Variants in ZFYVE27 observed in about 807,000 individuals in gnomAD.
ZFYVE27 encodes the protein protrudin.
In ZFYVE27, 36 loss-of-function variants were observed where a neutral mutation model predicts 52.8. The ratio of observed to expected loss-of-function variants is 0.68; its 90% confidence interval spans 0.52 to 0.90. The LOEUF is 0.90. ZFYVE27 is among the 40% of genes least tolerant of loss of function. The probability of loss-of-function intolerance (pLI) is 0.00; values close to 1 mark genes in which losing one functional copy is unlikely to be tolerated. For synonymous variants in ZFYVE27, 223 were observed against 215.6 expected (o/e 1.03, Z -0.30); for missense variants, 450 against 527.2 (o/e 0.85, Z 1.43).
At chr10:97,744,951 C>G in intron 4 of ZFYVE27, 36 bp downstream of exon 4, 1 of 1,542,738 alleles carries the variant, frequency 6.5e-7, no homozygotes, top group Non-Finnish European at 8.7e-7. Context: ...GGTGGGGGAA[C>G]AGTAACAGCA....
intron 1 of ZFYVE27, among the ~76,000 whole-genome samples, chr10:97,738,110 C>T (rs1293101972): frequency 6.6e-6 from 1 of 152,130 alleles, no homozygotes; most frequent in East Asian, 1.9e-4. Context: ...TCTCCCAGTC[C>T]AGAGTTGGGG....
intron 4 of ZFYVE27, among the ~76,000 whole-genome samples, chr10:97,747,535 T>C (rs1302837134): frequency 1.3e-5 from 2 of 152,208 alleles, no homozygotes. Context: ...CTTACTATTA[T>C]CAGTATGAAC....
chr10:97,749,290 C>G (rs993542397), intron 5 of ZFYVE27, among the ~76,000 whole-genome samples, 184 bp from the exon 6 acceptor site: 1 of 152,218 alleles, frequency 6.6e-6, no homozygotes, highest in Non-Finnish European at 1.5e-5. Flanking sequence ...GGTGTTTGCA[C>G]CGGTGACTTG....
chr10:97,756,191 G>A (rs973853371), intron 10 of ZFYVE27, among the ~76,000 whole-genome samples: 2 of 152,136 alleles, frequency 1.3e-5, no homozygotes, highest in Admixed American at 6.6e-5. Context: ...CCAAATTCTT[G>A]GTGTAGGGAC....
intron 3 of ZFYVE27, among the ~76,000 whole-genome samples, chr10:97,743,869 A>G (rs540333577): frequency 6.6e-6 from 1 of 152,328 alleles, no homozygotes; most frequent in East Asian, 1.9e-4. Context: ...GCGCTGGCAG[A>G]TGGCCACATA....
Position 97,749,544 on chromosome 10 carries a change from T to C in ZFYVE27, c.622T>C (p.Leu208=). Residue 208 remains leucine (L), a synonymous_variant, in exon 6 of 13, where the codon TTA becomes CTA. Coordinates refer to ENST00000684270, the MANE Select transcript of ZFYVE27 (RefSeq NM_001385875.1). The part of the protein sequence containing the change: ...LLPLCWVLTL[L]NSTLFLGNVE... ...GCCACTCTGCTGGGTTCTCACCCTTTTAAACAGCACGCTCTTTCTGGGGAA... is the reference window on the plus strand; with the variant it reads ...GCCACTCTGCTGGGTTCTCACCCTTCTAAACAGCACGCTCTTTCTGGGGAA... The C allele has an allele frequency of 6.2e-7, 1 of 1,614,222 alleles. No homozygotes were observed. The highest frequency in any genetic ancestry group is 8.5e-7 in the Non-Finnish European group (1 of 1,180,042).
Position 97,757,969 on chromosome 10 carries a change from A to G in ZFYVE27, c.1171+246A>G, listed in dbSNP as rs2048809460. 8 of 491,332 alleles carry G rather than the reference A, an allele frequency of 1.6e-5. No homozygotes were observed. In the South Asian group the frequency reaches 2.2e-4, roughly 13 times the overall value. 30.4% of individuals were successfully genotyped at this position (491,332 alleles called of 1,614,324 possible). A position where few individuals can be genotyped will look rare whatever the true frequency, so the allele number is the denominator to read the frequency against. On this transcript the variant is annotated intron_variant, in intron 12 of 12. Transcript: ENST00000684270. ...TGAATACCTGTGGCTGCTTCACTAA[A>G]GTTGAAAAACAAGAGCCCTGGCAAC...
At position 97,760,036 on chromosome 10, in the gene ZFYVE27, C is replaced by T. The variant is rs1289966343; in HGVS notation, c.*736C>T. 2 of 153,932 alleles carry T rather than the reference C, an allele frequency of 1.3e-5. No homozygotes were observed. The highest frequency in any genetic ancestry group is 6.4e-5 in the Admixed American group (1 of 15,584). The allele number at this position is 153,932 out of a possible 1,614,324, so 9.5% of individuals were successfully genotyped here. Reference sequence around the variant, plus strand: ...ACACCTCAATTCACAGACTCTCAGCCCACACAATGCCCCAGTGTCCCCAGC... The same window carrying T: ...ACACCTCAATTCACAGACTCTCAGCTCACACAATGCCCCAGTGTCCCCAGC... On this transcript the variant is annotated 3_prime_UTR_variant, in exon 13 of 13. Transcript: ENST00000684270.
chr10:97,750,734 TCTTTTTTTTTTTTC>T (rs963497049), intron 7 of ZFYVE27, among the ~76,000 whole-genome samples: 1 of 151,896 alleles, frequency 6.6e-6, no homozygotes, highest in Admixed American at 6.5e-5. Context: ...TCTTTCCTTT[TCTTTTTTTTTTTTC>T]CTTTTTTTTT....
rs1554899165 is a variant in ZFYVE27 at position 97,759,636 on chromosome 10, C to A, written c.*336C>A. 1 of 409,972 alleles carries A rather than the reference C, an allele frequency of 2.4e-6. No homozygotes were observed. 25.4% of individuals were successfully genotyped at this position (409,972 alleles called of 1,614,324 possible). On this transcript the variant is annotated 3_prime_UTR_variant, in exon 13 of 13. Coordinates refer to ENST00000684270, the MANE Select transcript of ZFYVE27 (RefSeq NM_001385875.1). Reference sequence around the variant, plus strand: ...CAGCAGCGAACTAGGCCAGGCCTGACTGGGGTCTGAAGATCAGGGTCAGTG... The same window carrying A: ...CAGCAGCGAACTAGGCCAGGCCTGAATGGGGTCTGAAGATCAGGGTCAGTG...
chr10:97,757,508 C>T (rs2048677861), intron 11 of ZFYVE27, 134 bp from the exon 12 acceptor site: 1 of 1,275,294 alleles, frequency 7.8e-7, no homozygotes, highest in Non-Finnish European at 1.1e-6. Flanking sequence ...CATTTGCTCT[C>T]TTTCCTGCTC....
chr10:97,757,209 G>T, intron 10 of ZFYVE27, 56 bp from the exon 11 acceptor site: 1 of 1,613,340 alleles, frequency 6.2e-7, no homozygotes, highest in Non-Finnish European at 8.5e-7. Context: ...CCAGGAGCAG[G>T]TGAGCGTGAG....
chr10:97,745,024 C>T lies in ZFYVE27; in HGVS notation c.455+109C>T, dbSNP rs7077725. ...CATATTAGGCAAACCACAGCTGTTA[C>T]TTCATTTAACCTTTTTAACAGTTCC... On this transcript the variant is annotated intron_variant, in intron 4 of 12. Coordinates refer to ENST00000684270, the MANE Select transcript of ZFYVE27 (RefSeq NM_001385875.1). 1,067,762 of 1,284,726 alleles carry T rather than the reference C, an allele frequency of 0.83. 446,673 individuals carry two copies. Among genetic ancestry groups the T allele is most frequent in the Non-Finnish European group, 0.85 (785,634 of 920,760 alleles). The allele number at this position is 1,284,726 out of a possible 1,614,324, so 79.6% of individuals were successfully genotyped here. A position where few individuals can be genotyped will look rare whatever the true frequency, so the allele number is the denominator to read the frequency against.
In ZFYVE27 at chr10:97,759,399, A is replaced by G. The variant is rs1056899516; in HGVS notation, c.*99A>G. Reference sequence around the variant, plus strand: ...GCCCACTGTGGTGTGTGCTGGGCAAATGTGGCCTGAATGCTAGGTAGGCTT... The same window carrying G: ...GCCCACTGTGGTGTGTGCTGGGCAAGTGTGGCCTGAATGCTAGGTAGGCTT... On this transcript the variant is annotated 3_prime_UTR_variant, in exon 13 of 13. Coordinates refer to ENST00000684270, the MANE Select transcript of ZFYVE27 (RefSeq NM_001385875.1). 17 of 1,286,620 alleles carry G rather than the reference A, an allele frequency of 1.3e-5. No individual in the cohort carries two copies. The highest frequency in any genetic ancestry group is 2.1e-4 in the Middle Eastern group (1 of 4,860). The allele number at this position is 1,286,620 out of a possible 1,614,324, so 79.7% of individuals were successfully genotyped here.
At chr10:97,746,624 C>T (rs191132819) in intron 4 of ZFYVE27, among the ~76,000 whole-genome samples, 4 of 151,892 alleles carry the variant, frequency 2.6e-5, no homozygotes, top group South Asian at 2.1e-4. Context: ...AATTCGTAAT[C>T]GGATTTTACC....
Position 97,744,709 on chromosome 10 carries a change from C to T in ZFYVE27, c.269-20C>T, listed in dbSNP as rs371228697. ...GGTCTTTGCTTACCTGTGTTACCTG[C>T]AGTGTTTTTGATTCTGCAGGTGCAT... On this transcript the variant is annotated intron_variant, in intron 3 of 12. Transcript: ENST00000684270. The T allele has an allele frequency of 3.7e-6, 6 of 1,612,660 alleles. No individual in the cohort carries two copies. Among genetic ancestry groups the T allele is most frequent in the Non-Finnish European group, 5.1e-6 (6 of 1,179,916 alleles).
At chr10:97,750,266 C>A in intron 6 of ZFYVE27, 65 bp from the exon 7 acceptor site, 1 of 1,597,264 alleles carries the variant, frequency 6.3e-7, no homozygotes, top group African/African-American at 1.3e-5. Context: ...GAAGTGGGTA[C>A]CCCTAAAGTG....
At chr10:97,746,117 C>T (rs1429659787) in intron 4 of ZFYVE27, among the ~76,000 whole-genome samples, 5 of 146,830 alleles carry the variant, frequency 3.4e-5, no homozygotes, top group South Asian at 2.1e-4. Flanking sequence ...GGCGTGATCT[C>T]GGCTCACTGC....
At position 97,759,834 on chromosome 10, in the gene ZFYVE27, C is replaced by G; in HGVS notation, c.*534C>G. ...CACCAGGATCTCATCATTTCCCCAT[C>G]AGAGGGTGTGGCCAGGCCTAACAAG... On this transcript the variant is annotated 3_prime_UTR_variant, in exon 13 of 13. Transcript: ENST00000684270. 1 of 180,208 alleles carries G rather than the reference C, an allele frequency of 5.5e-6. No individual in the cohort carries two copies. Among genetic ancestry groups the G allele is most frequent in the South Asian group, 1.3e-4 (1 of 7,630 alleles). The allele number at this position is 180,208 out of a possible 1,614,324, so 11.2% of individuals were successfully genotyped here.
Sources: allele counts gnomAD v4.1 joint callset (sites outside exome capture counted in the v4.1 genomes callset), GRCh38; gene constraint gnomAD v4.1.1; transcripts MANE v1.5; gene names NCBI Gene and HGNC (gene_info 2026-07-23, HGNC 2026-07-21).